The following LMOD3 variants were observed in gnomAD, a reference collection of about 807,000 sequenced individuals.
LMOD3 encodes leiomodin 3.
A neutral mutation model predicts 41.8 loss-of-function variants in LMOD3; 31 were observed. That is an observed-to-expected ratio of 0.74 (90% confidence interval 0.56 to 1.00). The LOEUF is 1.00. Among genes scored for constraint, LMOD3 ranks in the 50% least tolerant of loss-of-function variants. LMOD3 has a pLI of 0.00. For missense variants in LMOD3, 755 were observed against 679.5 expected (o/e 1.11, Z -1.23); for synonymous variants, 292 against 241.9 (o/e 1.21, Z -1.92).
At chr3:69,114,443 T>C (rs1252178085) in intron 2 of LMOD3, among the ~76,000 whole-genome samples, 1 of 141,006 alleles carries the variant, frequency 7.1e-6, no homozygotes, top group Non-Finnish European at 1.5e-5. Context: ...TTTTCCTTTA[T>C]TTTTTTGCCA....
At chr3:69,110,838 C>CAAAA (rs774402446) in intron 2 of LMOD3, among the ~76,000 whole-genome samples, 20 of 67,006 alleles carry the variant, frequency 3.0e-4, no homozygotes, top group African/African-American at 9.9e-4. Flanking sequence ...GACACCATCT[C>CAAAA]AAAAAAAAAA....
At chr3:69,111,852 G>C (rs1043655355) in intron 2 of LMOD3, among the ~76,000 whole-genome samples, 1 of 152,188 alleles carries the variant, frequency 6.6e-6, no homozygotes, top group Non-Finnish European at 1.5e-5. Flanking sequence ...GGGGAAAAGA[G>C]GAATCAGTCA....
At chr3:69,121,784 G>C (rs1000424422) in intron 1 of LMOD3, among the ~76,000 whole-genome samples, 15 of 152,174 alleles carry the variant, frequency 9.9e-5, no homozygotes, top group Admixed American at 2.0e-4. Flanking sequence ...AAGGACAACT[G>C]CCTCTGGGTT....
At chr3:69,121,144 C>A (rs1183137610) in intron 1 of LMOD3, among the ~76,000 whole-genome samples, 1 of 152,076 alleles carries the variant, frequency 6.6e-6, no homozygotes, top group Non-Finnish European at 1.5e-5. Flanking sequence ...TCGTTTTTAC[C>A]CCCTGAAACT....
rs1263171786 is a variant in LMOD3 at position 69,107,845 on chromosome 3, C to T, written c.*1250G>A. On this transcript the variant is annotated 3_prime_UTR_variant, in exon 3 of 3. Coordinates refer to ENST00000420581, the MANE Select transcript of LMOD3 (RefSeq NM_198271.5). The stretch of plus-strand genomic sequence containing the variant: ...TATTACAAAAATCTCAAATTCTATG[C>T]ACCTAGTGGCTAGAATGAATAATTA... 2.6e-5 allele frequency: 4 copies of T among 152,070 alleles called. No individual in the cohort carries two copies. The highest frequency in any genetic ancestry group is 9.7e-5 in the African/African-American group (4 of 41,400). The allele number at this position is 152,070 out of a possible 1,614,324, so 9.4% of individuals were successfully genotyped here.
chr3:69,118,677 A>C, intron 2 of LMOD3, 22 bp downstream of exon 2: 1 of 1,598,492 alleles, frequency 6.3e-7, no homozygotes, highest in South Asian at 1.1e-5. Flanking sequence ...CTCAGTCACC[A>C]TTTCTCCCTC....
At position 69,119,905 on chromosome 3, in the gene LMOD3, T is replaced by TTCTTCTTCA; in HGVS notation, c.441_449dup (p.Asp147_Glu149dup). Reference sequence around the variant, plus strand: ...CTTCGTCGTCATCATCATCATCTTCTTCTTCTTCATCTTCTTCATCTGTTT... The same window carrying TTCTTCTTCA: ...CTTCGTCGTCATCATCATCATCTTCTTCTTCTTCATCTTCTTCATCTTCTTCATCTGTTT... On this transcript the variant is annotated inframe_insertion, in exon 2 of 3. Coordinates refer to ENST00000420581, the MANE Select transcript of LMOD3 (RefSeq NM_198271.5). 6.5e-7 allele frequency: 1 copy of TTCTTCTTCA among 1,547,932 alleles called. No homozygotes were observed. Among genetic ancestry groups the TTCTTCTTCA allele is most frequent in the Non-Finnish European group, 8.8e-7 (1 of 1,141,214 alleles).
At position 69,119,865 on chromosome 3, in the gene LMOD3, C is replaced by T; in HGVS notation, c.490G>A (p.Glu164Lys). 6.4e-7 allele frequency: 1 copy of T among 1,556,364 alleles called. No individual in the cohort carries two copies. Among genetic ancestry groups the T allele is most frequent in the Non-Finnish European group, 8.7e-7 (1 of 1,147,874 alleles). Reference sequence around the variant, plus strand: ...TCTCTGTTCGTTTCTTCACTCTCTTCACCATCATCTTCTCCTTCGTCGTCA... The same window carrying T: ...TCTCTGTTCGTTTCTTCACTCTCTTTACCATCATCTTCTCCTTCGTCGTCA... The part of the protein sequence containing the change: ...DDDDEGEDDG[E>K]ESEETNREEE... Residue 164 changes from glutamate to lysine, a missense_variant, in exon 2 of 3, where the codon GAA becomes AAA. Glu to Lys is a moderately conservative substitution (Grantham distance 56). Coordinates refer to ENST00000420581, the MANE Select transcript of LMOD3 (RefSeq NM_198271.5).
chr3:69,118,606 G>A (rs2092388272), intron 2 of LMOD3, 93 bp downstream of exon 2: 2 of 1,397,078 alleles, frequency 1.4e-6, no homozygotes, highest in African/African-American at 1.4e-5. Flanking sequence ...CAATTAGTGA[G>A]TATCCCCTTA....
At chr3:69,114,354 C>T (rs537664658) in intron 2 of LMOD3, among the ~76,000 whole-genome samples, 2 of 152,274 alleles carry the variant, frequency 1.3e-5, no homozygotes, top group South Asian at 2.1e-4. Context: ...ACCTGGCCCA[C>T]GGAGTAAACT....
chr3:69,122,017 A>T, intron 1 of LMOD3, 76 bp downstream of exon 1: 1 of 1,223,308 alleles, frequency 8.2e-7, no homozygotes, highest in Non-Finnish European at 1.1e-6. Context: ...GTCTTGAGAA[A>T]TCACAGTTAC....
intron 2 of LMOD3, among the ~76,000 whole-genome samples, chr3:69,113,332 G>A (rs2092357841): frequency 6.6e-6 from 1 of 152,170 alleles, no homozygotes; most frequent in African/African-American, 2.4e-5. Flanking sequence ...AATTGTTCTA[G>A]ATTATGTGAC....
In LMOD3 at chr3:69,107,263, T is replaced by C. The variant is rs1263289884; in HGVS notation, c.*1832A>G. 6.6e-6 allele frequency: 1 copy of C among 151,914 alleles called. No individual in the cohort carries two copies. Among genetic ancestry groups the C allele is most frequent in the Non-Finnish European group, 1.5e-5 (1 of 67,964 alleles). 9.4% of individuals were successfully genotyped at this position (151,914 alleles called of 1,614,324 possible). A position where few individuals can be genotyped will look rare whatever the true frequency, so the allele number is the denominator to read the frequency against. ...TACATACTAAATTATCTTAAAAAAA[T>C]AGAAACGCCATATTTCTTTCCCATG... On this transcript the variant is annotated 3_prime_UTR_variant, in exon 3 of 3. Transcript: ENST00000420581.
chr3:69,120,252 G>A (rs1262634712), intron 1 of LMOD3, among the ~76,000 whole-genome samples, 192 bp from the exon 2 acceptor site: 1 of 152,042 alleles, frequency 6.6e-6, no homozygotes. Flanking sequence ...GTATTAAAAG[G>A]AAACCTTATT....
Position 69,109,073 on chromosome 3 carries a change from T to C in LMOD3, c.*22A>G. 1 of 1,588,032 alleles carries C rather than the reference T, an allele frequency of 6.3e-7. No individual in the cohort carries two copies. Among genetic ancestry groups the C allele is most frequent in the Non-Finnish European group, 8.6e-7 (1 of 1,165,248 alleles). The stretch of plus-strand genomic sequence containing the variant: ...GAGTCACTATTTCCATTTCTTGTTC[T>C]TCTAGATGGCTCTGTTGCCTCTTAC... On this transcript the variant is annotated 3_prime_UTR_variant, in exon 3 of 3. Coordinates refer to ENST00000420581, the MANE Select transcript of LMOD3 (RefSeq NM_198271.5).
chr3:69,121,009 C>G (rs1333841026), intron 1 of LMOD3, among the ~76,000 whole-genome samples: 2 of 152,182 alleles, frequency 1.3e-5, no homozygotes, highest in Admixed American at 1.3e-4. Flanking sequence ...TCAGAAGAGA[C>G]AGTGACAAGT....
In LMOD3 at chr3:69,119,488, T is replaced by A; in HGVS notation, c.867A>T (p.Leu289Phe). ...CATTCTCATCTGCACCCACATTGGC[T>A]AAACTGAATGTTTTGATGTGCTTGT... ...KKNKHIKTFS[L>F]ANVGADENVA... The change falls in exon 2 of 3, where the codon TTA becomes TTT. Residue 289 changes from leucine to phenylalanine, a missense_variant. By Grantham distance (22) the Leu-to-Phe change is conservative. Transcript: ENST00000420581. 6.2e-7 allele frequency: 1 copy of A among 1,614,018 alleles called. No homozygotes were observed. Among genetic ancestry groups the A allele is most frequent in the Non-Finnish European group, 8.5e-7 (1 of 1,179,882 alleles).
chr3:69,120,370 G>C (rs1385148684), intron 1 of LMOD3, among the ~76,000 whole-genome samples: 1 of 151,770 alleles, frequency 6.6e-6, no homozygotes, highest in Non-Finnish European at 1.5e-5. Context: ...CTTTGATTTT[G>C]TATCTACCAA....
chr3:69,112,315 T>C (rs2092353708), intron 2 of LMOD3, among the ~76,000 whole-genome samples: 1 of 152,172 alleles, frequency 6.6e-6, no homozygotes, highest in South Asian at 2.1e-4. Context: ...TTTAATTTGG[T>C]CTACCTGTAT....
Sources: allele counts gnomAD v4.1 joint callset (sites outside exome capture counted in the v4.1 genomes callset), GRCh38; gene constraint gnomAD v4.1.1; transcripts MANE v1.5; gene names NCBI Gene and HGNC (gene_info 2026-07-23, HGNC 2026-07-21).